The following BCL2L13 variants were observed in gnomAD, a reference collection of about 807,000 sequenced individuals.
BCL2L13 encodes the protein BCL2 like 13.
A neutral mutation model predicts 25.8 loss-of-function variants in BCL2L13; 13 were observed. That is an observed-to-expected ratio of 0.50 (90% CI 0.33 to 0.80). BCL2L13 has a LOEUF of 0.80. BCL2L13 is among the 30% of genes least tolerant of loss of function. The probability of loss-of-function intolerance (pLI) is 0.02; values close to 1 mark genes in which losing one functional copy is unlikely to be tolerated. For synonymous variants in BCL2L13, 244 were observed against 230.3 expected (o/e 1.06, Z -0.54); for missense variants, 504 against 574.9 (o/e 0.88, Z 1.26).
At chr22:17,703,892 C>CAT (rs2060513525) in intron 6 of BCL2L13, among the ~76,000 whole-genome samples, 1 of 152,144 alleles carries the variant, frequency 6.6e-6, no homozygotes, top group South Asian at 2.1e-4. Context: ...CCATTTATCC[C>CAT]ATATGGTGCT....
intron 6 of BCL2L13, among the ~76,000 whole-genome samples, chr22:17,718,478 T>C (rs961987607): frequency 2.0e-5 from 3 of 152,228 alleles, no homozygotes; most frequent in African/African-American, 7.2e-5. Flanking sequence ...CTTTATGTAC[T>C]GCATTTGGTT....
chr22:17,686,703 G>T (rs2059951132), intron 3 of BCL2L13, among the ~76,000 whole-genome samples: 1 of 151,828 alleles, frequency 6.6e-6, no homozygotes, highest in Non-Finnish European at 1.5e-5. Context: ...TAGAGGTGGG[G>T]TTTCACCACG....
At chr22:17,662,974 C>G (rs908209919) in intron 2 of BCL2L13, among the ~76,000 whole-genome samples, 5 of 151,680 alleles carry the variant, frequency 3.3e-5, no homozygotes, top group African/African-American at 1.2e-4. Flanking sequence ...TGGGCTCAAG[C>G]AATTCTCCCA....
intron 4 of BCL2L13, among the ~76,000 whole-genome samples, chr22:17,691,752 T>C (rs5992092): frequency 0.12 from 17,623 of 152,256 alleles, 1,226 homozygotes; most frequent in African/African-American, 0.18. Flanking sequence ...ATTTTAACTT[T>C]ATGGTGTAGT....
chr22:17,726,294 T>C (rs550207909), intron 6 of BCL2L13, among the ~76,000 whole-genome samples: 47 of 149,178 alleles, frequency 3.2e-4, no homozygotes, highest in African/African-American at 1.1e-3. Context: ...GAGGTTGCAG[T>C]GAGCTGAGAT....
At chr22:17,657,710 G>A (rs544635001) in intron 2 of BCL2L13, among the ~76,000 whole-genome samples, 3 of 150,906 alleles carry the variant, frequency 2.0e-5, no homozygotes, top group South Asian at 4.2e-4. Context: ...TAGAGATGGG[G>A]TTTCACTCTG....
chr22:17,671,282 T>C (rs1288130696), intron 2 of BCL2L13, among the ~76,000 whole-genome samples: 1 of 150,008 alleles, frequency 6.7e-6, no homozygotes, highest in Non-Finnish European at 1.5e-5. Flanking sequence ...TAGTCCCAGC[T>C]ACTGGGAAGG....
At chr22:17,632,743 A>ATTC (rs201450778) in intron 1 of BCL2L13, among the ~76,000 whole-genome samples, 1 of 146,062 alleles carries the variant, frequency 6.8e-6, no homozygotes, top group Non-Finnish European at 1.5e-5. Flanking sequence ...AATCTTTATG[A>ATTC]TTCTTCTTCT....
intron 6 of BCL2L13, chr22:17,706,677 C>A: frequency 7.6e-7 from 1 of 1,324,170 alleles, no homozygotes; most frequent in Non-Finnish European, 9.9e-7. Flanking sequence ...CCCTGCAGCC[C>A]GGTGAGGGCA....
chr22:17,722,378 G>GCGTGCGTGTGT (rs1491171137), intron 6 of BCL2L13, among the ~76,000 whole-genome samples: 2 of 122,066 alleles, frequency 1.6e-5, no homozygotes, highest in Middle Eastern at 3.5e-3. Context: ...AGACTACAGG[G>GCGTGCGTGTGT]GTGTGTGTGT....
chr22:17,631,668 GTGTATATATATA>G (rs2058021031), intron 1 of BCL2L13, among the ~76,000 whole-genome samples: 1 of 21,866 alleles, frequency 4.6e-5, no homozygotes, highest in African/African-American at 1.4e-4. Flanking sequence ...ATGTGTGTGT[GTGTATATATATA>G]TATATATATA....
At chr22:17,664,994 G>T (rs1363847413) in intron 2 of BCL2L13, among the ~76,000 whole-genome samples, 2 of 152,180 alleles carry the variant, frequency 1.3e-5, no homozygotes, top group Non-Finnish European at 2.9e-5. Context: ...CATTGTTTTG[G>T]CAATTAGCAT....
intron 2 of BCL2L13, among the ~76,000 whole-genome samples, chr22:17,665,001 G>A (rs1027616722): frequency 2.6e-5 from 4 of 152,188 alleles, no homozygotes; most frequent in Non-Finnish European, 4.4e-5. Context: ...TTGGCAATTA[G>A]CATTTGGCTT....
rs1340615690 is a variant in BCL2L13 at position 17,727,780 on chromosome 22, T to C, written c.*246T>C. 4 of 560,204 alleles carry C rather than the reference T, an allele frequency of 7.1e-6. No individual in the cohort carries two copies. Among genetic ancestry groups the C allele is most frequent in the African/African-American group, 5.6e-5 (3 of 53,160 alleles). The allele number at this position is 560,204 out of a possible 1,614,324, so 34.7% of individuals were successfully genotyped here. Reference sequence around the variant, plus strand: ...AGAATCTTAGGGGTAAAGCACCCCCTCCAGGACCGGGTTTCTCAGCCTTGG... The same window carrying C: ...AGAATCTTAGGGGTAAAGCACCCCCCCCAGGACCGGGTTTCTCAGCCTTGG... On this transcript the variant is annotated 3_prime_UTR_variant, in exon 7 of 7. Coordinates refer to ENST00000317582, the MANE Select transcript of BCL2L13 (RefSeq NM_015367.4).
intron 1 of BCL2L13, among the ~76,000 whole-genome samples, chr22:17,640,077 C>G (rs2058219481): frequency 6.6e-6 from 1 of 152,192 alleles, no homozygotes; most frequent in Non-Finnish European, 1.5e-5. Context: ...TGGTCTCGAA[C>G]TCCCAATCTC....
At chr22:17,678,730 A>T (rs908928823) in intron 2 of BCL2L13, among the ~76,000 whole-genome samples, 4 of 152,188 alleles carry the variant, frequency 2.6e-5, no homozygotes, top group African/African-American at 7.2e-5. Flanking sequence ...TCCCCAGTCT[A>T]TATAAATAGT....
intron 6 of BCL2L13, among the ~76,000 whole-genome samples, chr22:17,706,399 A>C (rs1451776338): frequency 1.3e-5 from 2 of 151,646 alleles, no homozygotes; most frequent in Non-Finnish European, 2.9e-5. Flanking sequence ...TAGAAATCAC[A>C]AGATTTGTTT....
At chr22:17,631,668 GTGTATATATATATATATATATATA>G (rs2058021287) in intron 1 of BCL2L13, among the ~76,000 whole-genome samples, 1 of 21,866 alleles carries the variant, frequency 4.6e-5, no homozygotes, top group African/African-American at 1.4e-4. Context: ...ATGTGTGTGT[GTGTATATATATATATATATATATA>G]TATATATATA....
At chr22:17,683,087 C>T (rs2059803881) in intron 2 of BCL2L13, 127 bp from the exon 3 acceptor site, 1 of 558,406 alleles carries the variant, frequency 1.8e-6, no homozygotes, top group Admixed American at 3.8e-5. Flanking sequence ...GAGCGGAGAT[C>T]ATGCCATTGC....
Sources: gnomAD v4.1 joint callset for allele counts (sites outside exome capture counted in the v4.1 genomes callset) on GRCh38, gnomAD v4.1.1 for gene constraint, MANE v1.5 for transcripts, NCBI Gene and HGNC (gene_info 2026-07-23, HGNC 2026-07-21) for gene names.